Variants in CCDC73 observed in about 807,000 individuals in gnomAD.
CCDC73 encodes coiled-coil domain containing 73, also known as coiled-coil domain-containing protein 73.
Under a neutral mutation model 116.5 loss-of-function variants are expected in CCDC73, and 95 were observed. That is an observed-to-expected ratio of 0.82 (90% CI 0.69 to 0.97). CCDC73 has a LOEUF of 0.97. CCDC73 is among the 50% of genes least tolerant of loss of function. The pLI is 0.00. For missense variants in CCDC73, 1,066 were observed against 1,206.8 expected (o/e 0.88, Z 1.73); for synonymous variants, 398 against 401.3 (o/e 0.99, Z 0.10).
chr11:32,814,997 G>A, the CCDC73 span, among the ~76,000 whole-genome samples: 1 of 152,006 alleles, frequency 6.6e-6, no homozygotes, highest in African/African-American at 2.4e-5. Flanking sequence ...CAGACAGAAG[G>A]GTGATTAAAG....
intron 13 of CCDC73, among the ~76,000 whole-genome samples, chr11:32,638,600 T>A (rs990130529): frequency 6.6e-6 from 1 of 152,054 alleles, no homozygotes; most frequent in African/African-American, 2.4e-5. Context: ...TGCCTCAGCC[T>A]CCCGAGTAGC....
intron 2 of CCDC73, among the ~76,000 whole-genome samples, chr11:32,720,982 C>T (rs1849984817): frequency 6.6e-6 from 1 of 152,084 alleles, no homozygotes; most frequent in South Asian, 2.1e-4. Flanking sequence ...AGGAAAAAAG[C>T]TGTAGAGAAA....
chr11:32,736,694 G>A (rs10767960), intron 2 of CCDC73, among the ~76,000 whole-genome samples: 85,258 of 147,696 alleles, frequency 0.58, 24,522 homozygotes, highest in East Asian at 0.83. Context: ...TCATGCTGCT[G>A]TAAAGACACA....
intron 14 of CCDC73, among the ~76,000 whole-genome samples, chr11:32,623,166 G>C (rs477071): frequency 0.44 from 66,876 of 151,508 alleles, 15,238 homozygotes; most frequent in African/African-American, 0.52. Flanking sequence ...GCCCCCACAT[G>C]TGGCTGATTT....
At chr11:32,724,056 T>C (rs1431982001) in intron 2 of CCDC73, among the ~76,000 whole-genome samples, 1 of 152,124 alleles carries the variant, frequency 6.6e-6, no homozygotes, top group African/African-American at 2.4e-5. Context: ...CAGTTTTCCA[T>C]GGGGTATAAA....
intron 1 of CCDC73, among the ~76,000 whole-genome samples, chr11:32,792,763 C>T (rs982083921): frequency 3.3e-5 from 5 of 152,222 alleles, no homozygotes; most frequent in Admixed American, 3.3e-4. Flanking sequence ...AGTGGTTAAG[C>T]ATCTGGGTTT....
intron 12 of CCDC73, among the ~76,000 whole-genome samples, chr11:32,649,949 C>T (rs973371657): frequency 1.3e-5 from 2 of 152,068 alleles, no homozygotes; most frequent in African/African-American, 4.8e-5. Context: ...TCTCTATATA[C>T]TATCAAGGTT....
intron 6 of CCDC73, among the ~76,000 whole-genome samples, chr11:32,696,850 A>C (rs920215022): frequency 6.6e-6 from 1 of 151,500 alleles, no homozygotes; most frequent in Non-Finnish European, 1.5e-5. Flanking sequence ...TTGATAAAAA[A>C]CACAAGGATT....
At chr11:32,635,853 A>G in intron 13 of CCDC73, 23 bp from the exon 14 acceptor site, 1 of 1,069,506 alleles carries the variant, frequency 9.4e-7, no homozygotes, top group Non-Finnish European at 1.2e-6. Context: ...AGGAACCAGA[A>G]TAAACAAGTA....
intron 7 of CCDC73, chr11:32,682,283 A>T (rs1856152699): frequency 6.6e-6 from 1 of 151,970 alleles, no homozygotes; most frequent in Admixed American, 6.6e-5. Context: ...AGCGTTGAAG[A>T]TGACTTTCAG....
chr11:32,613,262 G>T (rs916137207), intron 16 of CCDC73, among the ~76,000 whole-genome samples, 160 bp downstream of exon 16: 1 of 152,146 alleles, frequency 6.6e-6, no homozygotes, highest in Non-Finnish European at 1.5e-5. Context: ...CTACTTCACT[G>T]TATTTGCTCT....
At chr11:32,608,009 C>T (rs1045927659) in intron 17 of CCDC73, among the ~76,000 whole-genome samples, 1 of 111,248 alleles carries the variant, frequency 9.0e-6, no homozygotes, top group Non-Finnish European at 1.9e-5. Flanking sequence ...ACAAGAACAG[C>T]ATAGGAAAGA....
chr11:32,753,759 C>G (rs1015807891), intron 2 of CCDC73, among the ~76,000 whole-genome samples: 24 of 152,154 alleles, frequency 1.6e-4, no homozygotes, highest in African/African-American at 4.1e-4. Flanking sequence ...AGCCACCATG[C>G]CTGGGTCCCA....
intron 12 of CCDC73, among the ~76,000 whole-genome samples, chr11:32,642,643 A>G (rs572587608): frequency 6.6e-6 from 1 of 152,066 alleles, no homozygotes; most frequent in African/African-American, 2.4e-5. Context: ...ATAGAGTAAA[A>G]ATACTACCAT....
chr11:32,767,724 CTCA>C (rs1480305279), intron 1 of CCDC73, among the ~76,000 whole-genome samples: 10 of 152,130 alleles, frequency 6.6e-5, no homozygotes, highest in Non-Finnish European at 1.3e-4. Context: ...TGAAAAAATG[CTCA>C]TCATCACTGG....
the CCDC73 span, chr11:32,829,999 C>T: frequency 2.0e-6 from 2 of 985,716 alleles, no homozygotes; most frequent in Non-Finnish European, 2.4e-6. Flanking sequence ...CCTCTGCGAA[C>T]CCCAGGCCCT....
chr11:32,705,305 G>C (rs1419263963), intron 3 of CCDC73, among the ~76,000 whole-genome samples: 1 of 152,218 alleles, frequency 6.6e-6, no homozygotes, highest in Admixed American at 6.5e-5. Context: ...GGCTCCCCAA[G>C]TGAGAGCTGT....
intron 4 of CCDC73, among the ~76,000 whole-genome samples, chr11:32,702,405 G>C (rs1486581): frequency 0.27 from 41,234 of 151,984 alleles, 6,478 homozygotes; most frequent in East Asian, 0.79. Flanking sequence ...AGTTACTGAT[G>C]ATTGATATTT....
In CCDC73 at chr11:32,744,215, G is replaced by A. The variant is rs141572596; in HGVS notation, c.135+15894C>T. Among the ~76,000 whole-genome samples the A allele has an allele frequency of 4.3e-3, 662 of 152,280 alleles. 7 individuals carry two copies. Among genetic ancestry groups the A allele is most frequent in the African/African-American group, 0.015 (632 of 41,544 alleles). On this transcript the variant is annotated intron_variant, in intron 2 of 17. Transcript: ENST00000335185. ...GTTTATGTGATAGATTACATTTATT[G>A]ATATGCATATGTTGAACCAGCCTTG...
Sources: gnomAD v4.1 joint callset for allele counts (sites outside exome capture counted in the v4.1 genomes callset) on GRCh38, gnomAD v4.1.1 for gene constraint, MANE v1.5 for transcripts, NCBI Gene and HGNC (gene_info 2026-07-23, HGNC 2026-07-21) for gene names.